Variants in CXCL17 observed in about 807,000 individuals in gnomAD.
CXCL17 encodes the protein C-X-C motif chemokine 17.
In CXCL17, 9 loss-of-function variants were observed where a neutral mutation model predicts 15.5. The ratio of observed to expected loss-of-function variants is 0.58; its 90% confidence interval spans 0.35 to 1.01. CXCL17 has a LOEUF of 1.01. Ranked by LOEUF, CXCL17 falls within the 50% of genes least tolerant of loss-of-function variation. The pLI is 0.02. For missense variants in CXCL17, 133 were observed against 138.2 expected (o/e 0.96, Z 0.19); for synonymous variants, 52 against 52.3 (o/e 0.99, Z 0.02).
chr19:42,440,048 T>G (rs1171521800), intron 1 of CXCL17, among the ~76,000 whole-genome samples: 1 of 152,192 alleles, frequency 6.6e-6, no homozygotes, highest in Admixed American at 6.5e-5. Flanking sequence ...TGGAACTCTA[T>G]TTTTACAATA....
At chr19:42,441,450 G>A (rs1353649318) in intron 1 of CXCL17, among the ~76,000 whole-genome samples, 2 of 152,166 alleles carry the variant, frequency 1.3e-5, no homozygotes, top group Non-Finnish European at 2.9e-5. Flanking sequence ...TTTTTAGTGA[G>A]TAGAGGGAGG....
rs897908728 is a variant in CXCL17, at chr19:42,433,147, T to C, written c.161-70A>G. On this transcript the variant is annotated intron_variant, in intron 2 of 3. Coordinates refer to ENST00000601181, the MANE Select transcript of CXCL17 (RefSeq NM_198477.3). ...TGATAGGAGGGAGTAGGACAGAGCT[T>C]TAATCGCCATCTTCTGTGCCTTGCA... 3.7e-6 allele frequency: 4 copies of C among 1,088,974 alleles called. No homozygotes were observed. In the African/African-American group the frequency reaches 6.3e-5, roughly 17 times the overall value. 67.5% of individuals were successfully genotyped at this position (1,088,974 alleles called of 1,614,324 possible).
At chr19:42,438,383 TA>T (rs1280938484) in intron 1 of CXCL17, among the ~76,000 whole-genome samples, 1 of 46,796 alleles carries the variant, frequency 2.1e-5, no homozygotes, top group African/African-American at 1.2e-4. Flanking sequence ...AAAAAAAAAA[TA>T]TATATATATA....
chr19:42,429,574 C>T (rs1009856583), intron 3 of CXCL17, among the ~76,000 whole-genome samples: 4 of 152,272 alleles, frequency 2.6e-5, no homozygotes, highest in South Asian at 2.1e-4. Context: ...GTGATCCACC[C>T]GCTTTTGCCT....
chr19:42,434,006 A>G (rs1391874947), intron 1 of CXCL17, 150 bp from the exon 2 acceptor site: 1 of 589,474 alleles, frequency 1.7e-6, no homozygotes, highest in Non-Finnish European at 3.0e-6. Flanking sequence ...TTTTATTTTT[A>G]TTTATATTTT....
At chr19:42,438,994 C>T (rs1167449231) in intron 1 of CXCL17, among the ~76,000 whole-genome samples, 1 of 152,156 alleles carries the variant, frequency 6.6e-6, no homozygotes, top group East Asian at 1.9e-4. Context: ...TGGCTCACGC[C>T]TGTAATCCCA....
intron 1 of CXCL17, among the ~76,000 whole-genome samples, chr19:42,437,286 C>T (rs559012913): frequency 9.9e-5 from 15 of 152,230 alleles, no homozygotes; most frequent in African/African-American, 3.4e-4. Context: ...CATCCTCATC[C>T]TATGCAATAT....
chr19:42,442,842 C>T lies in CXCL17; in HGVS notation c.-10G>A, dbSNP rs374559165. Reference sequence around the variant, plus strand: ...AGATTAGAACTTTCATCGCAACTGTCGGTGCAGCTGTAAGTTGCTTGAAGA... The same window carrying T: ...AGATTAGAACTTTCATCGCAACTGTTGGTGCAGCTGTAAGTTGCTTGAAGA... On this transcript the variant is annotated 5_prime_UTR_variant, in exon 1 of 4. Coordinates refer to ENST00000601181, the MANE Select transcript of CXCL17 (RefSeq NM_198477.3). 9.1e-5 allele frequency: 147 copies of T among 1,609,584 alleles called. No homozygotes were observed. Among genetic ancestry groups the T allele is most frequent in the Non-Finnish European group, 1.1e-4 (126 of 1,176,290 alleles).
Position 42,433,854 on chromosome 19 carries a change from C to T in CXCL17, c.82G>A (p.Val28Ile). 6.2e-7 allele frequency: 1 copy of T among 1,613,764 alleles called. No individual in the cohort carries two copies. Among genetic ancestry groups the T allele is most frequent in the Non-Finnish European group, 8.5e-7 (1 of 1,179,868 alleles). The stretch of plus-strand genomic sequence containing the variant: ...CCTCGGTCCCTGTGGCCTCTGGCGA[C>T]CCCTGTCGGAAGGAAACAGGTCACA... ...SMVSSSLNPG[V>I]ARGHRDRGQA... The change falls in exon 2 of 4, where the codon GTC becomes ATC. Residue 28 changes from valine (V) to isoleucine (I), a missense_variant and splice_region_variant. Val to Ile is a conservative substitution (Grantham distance 29). Coordinates refer to ENST00000601181, the MANE Select transcript of CXCL17 (RefSeq NM_198477.3).
At chr19:42,431,710 A>T (rs1397758764) in intron 3 of CXCL17, among the ~76,000 whole-genome samples, 1 of 150,198 alleles carries the variant, frequency 6.7e-6, no homozygotes, top group Non-Finnish European at 1.5e-5. Flanking sequence ...TATTGTTATT[A>T]TTATATTTAT....
At chr19:42,430,893 A>T (rs2040773359) in intron 3 of CXCL17, among the ~76,000 whole-genome samples, 1 of 151,980 alleles carries the variant, frequency 6.6e-6, no homozygotes, top group Non-Finnish European at 1.5e-5. Context: ...GCTGGAGTGC[A>T]GTGGCGTGAT....
chr19:42,430,192 C>G (rs2040763749), intron 3 of CXCL17, among the ~76,000 whole-genome samples: 1 of 151,970 alleles, frequency 6.6e-6, no homozygotes, highest in Non-Finnish European at 1.5e-5. Context: ...ACAACTGAAT[C>G]TATTATTGCA....
At chr19:42,429,288 A>G (rs1168465943) in intron 3 of CXCL17, among the ~76,000 whole-genome samples, 1 of 150,984 alleles carries the variant, frequency 6.6e-6, no homozygotes, top group African/African-American at 2.4e-5. Context: ...CGGCCTCCCA[A>G]AGTGCTAGGA....
At position 42,429,109 on chromosome 19, in the gene CXCL17, C is replaced by T. The variant is rs1389372959; in HGVS notation, c.263-128G>A. The T allele has an allele frequency of 1.4e-5, 9 of 645,332 alleles. No homozygotes were observed. In the East Asian group the frequency reaches 1.8e-4, roughly 13 times the overall value. The allele number at this position is 645,332 out of a possible 1,614,324, so 40.0% of individuals were successfully genotyped here. A position where few individuals can be genotyped will look rare whatever the true frequency, so the allele number is the denominator to read the frequency against. ...GTGGCAGGATCTCAACTCACTGCAACCTCTGCCTCCCGGGTTCAAGTGATT... is the reference window on the plus strand; with the variant it reads ...GTGGCAGGATCTCAACTCACTGCAATCTCTGCCTCCCGGGTTCAAGTGATT... On this transcript the variant is annotated intron_variant, in intron 3 of 3. Coordinates refer to ENST00000601181, the MANE Select transcript of CXCL17 (RefSeq NM_198477.3).
At chr19:42,442,607 GT>G (rs1268834302) in intron 1 of CXCL17, 146 bp downstream of exon 1, 20 of 601,858 alleles carry the variant, frequency 3.3e-5, no homozygotes, top group Admixed American at 6.0e-5. Flanking sequence ...ACAGTTTGCT[GT>G]TTTTTTGTAA....
At position 42,431,100 on chromosome 19, in the gene CXCL17, A is replaced by G. The variant is rs1041633007; in HGVS notation, c.262+1876T>C. On this transcript the variant is annotated intron_variant, in intron 3 of 3. Coordinates refer to ENST00000601181, the MANE Select transcript of CXCL17 (RefSeq NM_198477.3). ...GGTGATCCCCCTGCCTTGGCCTCCC[A>G]AAGTGCTGGGATTACAGGCATGAAC... is the stretch of plus-strand genomic sequence containing the variant. 2.0e-5 allele frequency among the ~76,000 whole-genome samples: 3 copies of G among 152,214 alleles called. No individual in the cohort carries two copies. The East Asian group carries it at 5.8e-4, about 29-fold the overall frequency.
Position 42,432,978 on chromosome 19 carries a change from G to A in CXCL17, c.260C>T (p.Thr87Ile). The A allele has an allele frequency of 6.2e-7, 1 of 1,611,630 alleles. No homozygotes were observed. Among genetic ancestry groups the A allele is most frequent in the Non-Finnish European group, 8.5e-7 (1 of 1,177,780 alleles). ...AAAATCATCCTTTGGAAACTTACTTGTTTTCTTCACATTGCCCTTGAAATG... is the reference window on the plus strand; with the variant it reads ...AAAATCATCCTTTGGAAACTTACTTATTTTCTTCACATTGCCCTTGAAATG... Reference protein sequence around the residue: ...CDHFKGNVKKTRHQRHHRKPN... With the variant: ...CDHFKGNVKKIRHQRHHRKPN... Residue 87 changes from threonine (T) to isoleucine (I), a missense_variant and splice_region_variant, in exon 3 of 4, where the codon ACA becomes ATA. Thr to Ile is a moderately conservative substitution (Grantham distance 89). Coordinates refer to ENST00000601181, the MANE Select transcript of CXCL17 (RefSeq NM_198477.3).
chr19:42,437,456 A>T (rs1345526058), intron 1 of CXCL17, among the ~76,000 whole-genome samples: 1 of 152,208 alleles, frequency 6.6e-6, no homozygotes, highest in Non-Finnish European at 1.5e-5. Flanking sequence ...CTTTATATCC[A>T]CATAGGCCTG....
In CXCL17 at chr19:42,433,061, G is replaced by A. The variant is rs1355113410; in HGVS notation, c.177C>T (p.Ala59=). 7 of 1,613,706 alleles carry A rather than the reference G, an allele frequency of 4.3e-6. No homozygotes were observed. The highest frequency in any genetic ancestry group is 1.1e-5 in the South Asian group (1 of 91,018). ...ECECKDWFLR[A]PRRKFMTVSG... Reference sequence around the variant, plus strand: ...ACACTGTCATGAATTTTCTTCTCGGGGCTCTCAGGAACCAATCTGGAACAA... The same window carrying A: ...ACACTGTCATGAATTTTCTTCTCGGAGCTCTCAGGAACCAATCTGGAACAA... The change falls in exon 3 of 4, where the codon GCC becomes GCT. Residue 59 remains alanine, a synonymous_variant. Transcript: ENST00000601181.
Sources: gnomAD v4.1 joint callset for allele counts (sites outside exome capture counted in the v4.1 genomes callset) on GRCh38, gnomAD v4.1.1 for gene constraint, MANE v1.5 for transcripts, NCBI Gene and HGNC (gene_info 2026-07-23, HGNC 2026-07-21) for gene names.